Variants in PRELID2 observed in about 807,000 individuals in gnomAD.
PRELID2 encodes the protein PRELI domain containing 2, also known as PRELI domain-containing protein 2.
In PRELID2, 25 loss-of-function variants were observed where a neutral mutation model predicts 28.4. That is an observed-to-expected ratio of 0.88 (90% CI 0.64 to 1.23). The LOEUF is 1.23. Among genes scored for constraint, PRELID2 ranks in the 50% most tolerant of loss-of-function variants. PRELID2 has a pLI of 0.00. For synonymous variants in PRELID2, 76 were observed against 71.6 expected (o/e 1.06, Z -0.31); for missense variants, 201 against 214.4 (o/e 0.94, Z 0.39).
chr5:145,416,201 G>A, the PRELID2 span, among the ~76,000 whole-genome samples: 1 of 151,246 alleles, frequency 6.6e-6, no homozygotes, highest in African/African-American at 2.4e-5. Flanking sequence ...AGATGAGTCG[G>A]TTGGCTAGCC....
At chr5:145,486,737 T>C (rs1752221899) in intron 1 of PRELID2, among the ~76,000 whole-genome samples, 1 of 152,180 alleles carries the variant, frequency 6.6e-6, no homozygotes, top group South Asian at 2.1e-4. Flanking sequence ...TGGTAGTTTC[T>C]ACCAGTTGTG....
At chr5:145,796,679 CTATTA>C (rs1244839119) in intron 4 of PRELID2, 132 bp from the exon 5 acceptor site, 2 of 442,690 alleles carry the variant, frequency 4.5e-6, no homozygotes, top group Non-Finnish European at 7.9e-6. Context: ...CAATAACTAC[CTATTA>C]TAAGAAGATT....
chr5:145,248,339 G>C, the PRELID2 span, among the ~76,000 whole-genome samples: 1 of 151,880 alleles, frequency 6.6e-6, no homozygotes, highest in African/African-American at 2.4e-5. Flanking sequence ...CCATAGGTTG[G>C]TTTTATTTTA....
intron 1 of PRELID2, among the ~76,000 whole-genome samples, chr5:145,671,607 G>A (rs1238384664): frequency 2.0e-5 from 3 of 152,170 alleles, no homozygotes; most frequent in East Asian, 3.9e-4. Context: ...CTGTGGCAGA[G>A]TCTATGGCAT....
chr5:145,396,701 T>C, the PRELID2 span, among the ~76,000 whole-genome samples: 1 of 151,938 alleles, frequency 6.6e-6, no homozygotes, highest in African/African-American at 2.4e-5. Context: ...AACTAAAATA[T>C]CCCCCTTAAG....
intron 1 of PRELID2, among the ~76,000 whole-genome samples, chr5:145,726,944 A>T: frequency 6.6e-6 from 1 of 152,202 alleles, no homozygotes; most frequent in East Asian, 1.9e-4. Context: ...ACACCAGGTC[A>T]TTGGGGTGAT....
chr5:145,592,836 A>G (rs1200464303), intron 1 of PRELID2, among the ~76,000 whole-genome samples: 1 of 152,220 alleles, frequency 6.6e-6, no homozygotes, highest in African/African-American at 2.4e-5. Context: ...TAAGCTAACT[A>G]TGTAATGACA....
chr5:145,404,918 A>G, the PRELID2 span, among the ~76,000 whole-genome samples: 1 of 152,122 alleles, frequency 6.6e-6, no homozygotes, highest in African/African-American at 2.4e-5. Context: ...CTCTGGGGGG[A>G]TACAGAGTGA....
chr5:145,550,858 A>G (rs1409266315), intron 1 of PRELID2, among the ~76,000 whole-genome samples: 2 of 152,172 alleles, frequency 1.3e-5, no homozygotes, highest in Non-Finnish European at 2.9e-5. Context: ...AAAGAATATT[A>G]ACATAATTCT....
In PRELID2 at chr5:145,508,422, A is replaced by C. The variant is rs190836048; in HGVS notation, n.71-35107T>G. Among the ~76,000 whole-genome samples, 729 of 152,306 alleles carry C rather than the reference A, an allele frequency of 4.8e-3. 6 individuals are homozygous for C. The highest frequency in any genetic ancestry group is 8.4e-3 in the Non-Finnish European group (572 of 68,026). On this transcript the variant is annotated intron_variant and non_coding_transcript_variant, in intron 1 of 2. Transcript: ENST00000510259. ...GAAGGCTGCACAAAAAACTACTCAG[A>C]ATGTTTAATGGAGGTAAAAAAGCCA... is the stretch of plus-strand genomic sequence containing the variant.
the PRELID2 span, among the ~76,000 whole-genome samples, chr5:145,346,101 A>G: frequency 6.6e-6 from 1 of 152,148 alleles, no homozygotes; most frequent in Non-Finnish European, 1.5e-5. Context: ...TCTGTGACCT[A>G]GGGCAAATTA....
At chr5:145,735,457 G>A (rs1756470464) in intron 1 of PRELID2, among the ~76,000 whole-genome samples, 1 of 152,104 alleles carries the variant, frequency 6.6e-6, no homozygotes, top group Non-Finnish European at 1.5e-5. Flanking sequence ...GGGAAAATAA[G>A]ATTTGAGACA....
intron 1 of PRELID2, among the ~76,000 whole-genome samples, chr5:145,683,216 C>T (rs1754972263): frequency 1.3e-5 from 2 of 152,248 alleles, no homozygotes; most frequent in South Asian, 4.1e-4. Context: ...TCATTTTCTT[C>T]TTCAAGCCTG....
intron 4 of PRELID2, among the ~76,000 whole-genome samples, chr5:145,814,114 ATGAC>A (rs1171347230): frequency 6.6e-6 from 1 of 152,214 alleles, no homozygotes; most frequent in African/African-American, 2.4e-5. Flanking sequence ...TAGAATCAGA[ATGAC>A]TATTTTAAAA....
the PRELID2 span, among the ~76,000 whole-genome samples, chr5:145,413,108 C>G: frequency 6.6e-6 from 1 of 151,984 alleles, no homozygotes; most frequent in Admixed American, 6.6e-5. Context: ...AGACTAATAT[C>G]CAGAACCCAC....
chr5:145,518,571 A>C (rs1222366261), intron 1 of PRELID2, among the ~76,000 whole-genome samples: 1 of 152,220 alleles, frequency 6.6e-6, no homozygotes, highest in Non-Finnish European at 1.5e-5. Context: ...CCAGTTAAAT[A>C]CAAAGATTGG....
the PRELID2 span, among the ~76,000 whole-genome samples, chr5:145,276,735 T>A: frequency 6.6e-6 from 1 of 152,132 alleles, no homozygotes; most frequent in African/African-American, 2.4e-5. Flanking sequence ...TCTGACAGTA[T>A]GGTTGCATTT....
At chr5:145,632,763 A>T (rs1279210802) in intron 1 of PRELID2, among the ~76,000 whole-genome samples, 2 of 152,170 alleles carry the variant, frequency 1.3e-5, no homozygotes, top group African/African-American at 4.8e-5. Context: ...ATAACCCTCC[A>T]TGATTATGTT....
At chr5:145,614,777 G>C (rs1192580628) in intron 1 of PRELID2, among the ~76,000 whole-genome samples, 5 of 152,162 alleles carry the variant, frequency 3.3e-5, no homozygotes, top group Admixed American at 6.5e-5. Flanking sequence ...TCAGCAAACA[G>C]TGACAATTTG....
Sources: gnomAD v4.1 joint callset for allele counts (sites outside exome capture counted in the v4.1 genomes callset) on GRCh38, gnomAD v4.1.1 for gene constraint, MANE v1.5 for transcripts, NCBI Gene and HGNC (gene_info 2026-07-23, HGNC 2026-07-21) for gene names.